ZCWPW2: variants seen among roughly 807,000 people sequenced by gnomAD.
ZCWPW2 encodes zinc finger CW-type and PWWP domain containing 2.
Under a neutral mutation model 46.6 loss-of-function variants are expected in ZCWPW2, and 45 were observed. The observed-to-expected ratio is 0.96, with a 90% confidence interval of 0.76 to 1.24. The LOEUF (loss-of-function observed/expected upper bound fraction) is 1.24, where lower values mean the gene tolerates loss of function less well. Among genes scored for constraint, ZCWPW2 ranks in the 50% most tolerant of loss-of-function variants. ZCWPW2 has a pLI of 0.00. For synonymous variants in ZCWPW2, 152 were observed against 137.1 expected (o/e 1.11, Z -0.76); for missense variants, 429 against 403.9 (o/e 1.06, Z -0.53).
At chr3:28,434,341 G>T (rs1697395339) in intron 3 of ZCWPW2, among the ~76,000 whole-genome samples, 1 of 151,842 alleles carries the variant, frequency 6.6e-6, no homozygotes, top group African/African-American at 2.4e-5. Flanking sequence ...TGCATATTAT[G>T]AAATAGAAAA....
chr3:28,359,159 G>A (rs917344311), intron 1 of ZCWPW2, among the ~76,000 whole-genome samples: 3 of 152,084 alleles, frequency 2.0e-5, no homozygotes, highest in African/African-American at 7.2e-5. Context: ...TTGGATGAAA[G>A]TGGAAATGGT....
At chr3:28,504,346 G>A (rs548890679) in intron 6 of ZCWPW2, among the ~76,000 whole-genome samples, 1 of 151,888 alleles carries the variant, frequency 6.6e-6, no homozygotes, top group Non-Finnish European at 1.5e-5. Flanking sequence ...TGTTTTAGTT[G>A]TGCTATTGTG....
At chr3:28,469,708 G>GTGTGTATATATATATGATATATATA in intron 4 of ZCWPW2, among the ~76,000 whole-genome samples, 1 of 150,952 alleles carries the variant, frequency 6.6e-6, no homozygotes, top group Non-Finnish European at 1.5e-5. Flanking sequence ...GCATGTATAT[G>GTGTGTATATATATATGATATATATA]TGTGTATATA....
intron 2 of ZCWPW2, among the ~76,000 whole-genome samples, chr3:28,403,941 C>A (rs1016310641): frequency 1.3e-5 from 2 of 152,128 alleles, no homozygotes; most frequent in Admixed American, 6.6e-5. Flanking sequence ...TATAAAAATT[C>A]TAGAAGATAA....
chr3:28,399,586 A>G (rs1575090998), intron 2 of ZCWPW2, among the ~76,000 whole-genome samples: 1 of 152,238 alleles, frequency 6.6e-6, no homozygotes, highest in African/African-American at 2.4e-5. Flanking sequence ...TGAGAAACCC[A>G]GAGATGGTTC....
intron 4 of ZCWPW2, among the ~76,000 whole-genome samples, chr3:28,453,714 G>A (rs967713264): frequency 3.3e-5 from 5 of 151,910 alleles, no homozygotes; most frequent in African/African-American, 7.2e-5. Flanking sequence ...TAGCTGGAGA[G>A]TAACTTCTTG....
In ZCWPW2 at chr3:28,526,086, A is replaced by T. The variant is rs541395096; in HGVS notation, c.*1398A>T. 3.3e-5 allele frequency among the ~76,000 whole-genome samples: 5 copies of T among 152,252 alleles called. No homozygotes were observed. The highest frequency in any genetic ancestry group is 1.2e-4 in the African/African-American group (5 of 41,576). On this transcript the variant is annotated 3_prime_UTR_variant, in exon 10 of 10. Transcript: ENST00000383768. ...ATAATCTAGTTTCCTCATATGTAAA[A>T]TGGGGATGGAACTATGCAAACCAAG...
intron 5 of ZCWPW2, among the ~76,000 whole-genome samples, chr3:28,479,815 C>T (rs1184672461): frequency 6.6e-6 from 1 of 152,190 alleles, no homozygotes; most frequent in African/African-American, 2.4e-5. Context: ...ATGCTAATGG[C>T]ATCCAGCTCC....
At chr3:28,517,702 C>T (rs4234347) in intron 8 of ZCWPW2, among the ~76,000 whole-genome samples, 25,148 of 151,928 alleles carry the variant, frequency 0.17, 2,417 homozygotes, top group East Asian at 0.44. Context: ...ATAGATAAGT[C>T]GAGGTGAAAG....
chr3:28,352,383 T>G (rs1471251058), intron 1 of ZCWPW2, among the ~76,000 whole-genome samples: 1 of 152,172 alleles, frequency 6.6e-6, no homozygotes, highest in Non-Finnish European at 1.5e-5. Context: ...ATGTATTCAT[T>G]CCTAAGATTG....
chr3:28,375,538 T>C (rs1311745207), intron 1 of ZCWPW2, among the ~76,000 whole-genome samples: 1 of 152,070 alleles, frequency 6.6e-6, no homozygotes, highest in Admixed American at 6.6e-5. Context: ...TATATATTTA[T>C]GGGTTAACTG....
intron 2 of ZCWPW2, among the ~76,000 whole-genome samples, chr3:28,401,144 A>T (rs1575093077): frequency 6.6e-6 from 1 of 151,838 alleles, no homozygotes. Context: ...GCACCCCTGC[A>T]CTCCAGCCTG....
intron 1 of ZCWPW2, among the ~76,000 whole-genome samples, chr3:28,381,162 T>C (rs1695092287): frequency 1.4e-5 from 2 of 147,742 alleles, no homozygotes; most frequent in Non-Finnish European, 3.0e-5. Flanking sequence ...CTTCATTTAA[T>C]AGAAAATAAA....
chr3:28,461,995 G>A (rs1396288832), intron 4 of ZCWPW2, among the ~76,000 whole-genome samples: 5 of 152,088 alleles, frequency 3.3e-5, no homozygotes, highest in African/African-American at 9.7e-5. Context: ...TTTCTTGATT[G>A]TATTTTTCTC....
intron 5 of ZCWPW2, among the ~76,000 whole-genome samples, chr3:28,485,138 GTT>G (rs563714823): frequency 7.0e-6 from 1 of 143,400 alleles, no homozygotes; most frequent in African/African-American, 2.5e-5. Flanking sequence ...TTTTTCTTGA[GTT>G]TTTTTTTTTT....
chr3:28,459,306 G>A (rs1296053718), intron 4 of ZCWPW2, among the ~76,000 whole-genome samples: 1 of 151,916 alleles, frequency 6.6e-6, no homozygotes, highest in Non-Finnish European at 1.5e-5. Context: ...GGAGGCGGAG[G>A]TGGCAGTGAG....
chr3:28,491,710 A>T (rs558278792), intron 5 of ZCWPW2, among the ~76,000 whole-genome samples: 1 of 152,218 alleles, frequency 6.6e-6, no homozygotes, highest in Non-Finnish European at 1.5e-5. Flanking sequence ...AATGAGAATT[A>T]AATAAGATAT....
At chr3:28,489,045 G>A (rs1448096369) in intron 5 of ZCWPW2, among the ~76,000 whole-genome samples, 1 of 152,072 alleles carries the variant, frequency 6.6e-6, no homozygotes, top group Non-Finnish European at 1.5e-5. Context: ...ATTGGAAGAT[G>A]GTTTTTATAG....
chr3:28,411,573 G>C (rs1015075989), intron 2 of ZCWPW2, among the ~76,000 whole-genome samples: 7 of 152,088 alleles, frequency 4.6e-5, no homozygotes, highest in Admixed American at 3.3e-4. Flanking sequence ...AAAAAAAGTT[G>C]TTACACACAC....
Sources: gnomAD v4.1 joint callset for allele counts (sites outside exome capture counted in the v4.1 genomes callset) on GRCh38, gnomAD v4.1.1 for gene constraint, MANE v1.5 for transcripts, NCBI Gene and HGNC (gene_info 2026-07-23, HGNC 2026-07-21) for gene names.